The following ADAMTS17 variants were observed in gnomAD, a reference collection of about 807,000 sequenced individuals.
ADAMTS17 encodes the protein ADAM metallopeptidase with thrombospondin type 1 motif 17.
Under a neutral mutation model 141.5 loss-of-function variants are expected in ADAMTS17, and 113 were observed. The observed-to-expected ratio is 0.80, with a 90% CI of 0.69 to 0.93. The LOEUF (loss-of-function observed/expected upper bound fraction) is 0.93. ADAMTS17 is among the 40% of genes least tolerant of loss of function. ADAMTS17 has a pLI of 0.00. For missense variants in ADAMTS17, 1,659 were observed against 1,517.9 expected (o/e 1.09, Z -1.54); for synonymous variants, 768 against 630.6 (o/e 1.22, Z -3.27).
At chr15:100,322,725 A>G (rs2045767420) in intron 3 of ADAMTS17, among the ~76,000 whole-genome samples, 1 of 152,238 alleles carries the variant, frequency 6.6e-6, no homozygotes, top group Non-Finnish European at 1.5e-5. Context: ...AGGAAATTGC[A>G]GCAGAAATAC....
chr15:100,076,196 C>G (rs182877907), intron 15 of ADAMTS17, among the ~76,000 whole-genome samples: 1 of 152,124 alleles, frequency 6.6e-6, no homozygotes, highest in Non-Finnish European at 1.5e-5. Context: ...GCGCCCACCA[C>G]CATGCACAGC....
chr15:100,051,343 G>C (rs528434093), intron 17 of ADAMTS17, among the ~76,000 whole-genome samples: 47 of 152,332 alleles, frequency 3.1e-4, no homozygotes, highest in African/African-American at 1.1e-3. Context: ...GGTCAGAGCT[G>C]TGGGGCCCTG....
At chr15:100,268,673 T>C (rs1336710397) in intron 4 of ADAMTS17, among the ~76,000 whole-genome samples, 3 of 152,236 alleles carry the variant, frequency 2.0e-5, no homozygotes, top group Non-Finnish European at 2.9e-5. Flanking sequence ...TTATAGATTC[T>C]GGATGTTAGA....
At chr15:100,134,606 A>C (rs1301000116) in intron 10 of ADAMTS17, among the ~76,000 whole-genome samples, 1 of 152,222 alleles carries the variant, frequency 6.6e-6, no homozygotes, top group Non-Finnish European at 1.5e-5. Context: ...CTGCTCTTCC[A>C]AGTAATCTCA....
At chr15:100,252,923 T>G (rs74771048) in intron 7 of ADAMTS17, among the ~76,000 whole-genome samples, 2,273 of 152,212 alleles carry the variant, frequency 0.015, 22 homozygotes, top group Middle Eastern at 0.051. Context: ...AAGTGATCAT[T>G]TGATGGATTA....
Position 100,127,026 on chromosome 15 carries a change from A to G in ADAMTS17, c.1721+4981T>C, listed in dbSNP as rs77165172. On this transcript the variant is annotated intron_variant, in intron 12 of 21. Coordinates refer to ENST00000268070, the MANE Select transcript of ADAMTS17 (RefSeq NM_139057.4). ...AGAGATCTCTTGAGAAGACATTTAC[A>G]CTAACACCCAAAGAAAGGAAAAGGG... Among the ~76,000 whole-genome samples the G allele has an allele frequency of 9.8e-3, 1,487 of 152,292 alleles. 33 individuals are homozygous for G. Among genetic ancestry groups the G allele is most frequent in the African/African-American group, 0.034 (1,396 of 41,558 alleles).
intron 4 of ADAMTS17, among the ~76,000 whole-genome samples, chr15:100,277,617 G>A (rs1050985785): frequency 2.6e-5 from 4 of 152,210 alleles, no homozygotes; most frequent in South Asian, 2.1e-4. Context: ...GGCGTGCTCC[G>A]GGCAGACTGC....
chr15:100,202,688 G>C (rs990299565), intron 7 of ADAMTS17, among the ~76,000 whole-genome samples: 1 of 152,226 alleles, frequency 6.6e-6, no homozygotes, highest in African/African-American at 2.4e-5. Context: ...TGGAGACTCA[G>C]AGATACCCCC....
intron 8 of ADAMTS17, among the ~76,000 whole-genome samples, chr15:100,188,556 G>A (rs1165939646): frequency 6.6e-6 from 1 of 152,204 alleles, no homozygotes; most frequent in Non-Finnish European, 1.5e-5. Context: ...AAGTTGACCA[G>A]CATGTTTCCA....
chr15:99,974,727 G>C (rs1449931816), intron 21 of ADAMTS17, among the ~76,000 whole-genome samples, 165 bp from the exon 22 acceptor site: 2 of 152,224 alleles, frequency 1.3e-5, no homozygotes, highest in African/African-American at 4.8e-5. Context: ...GGCACTGGGG[G>C]TGCCACTTTC....
At position 100,108,978 on chromosome 15, in the gene ADAMTS17, A is replaced by C; in HGVS notation, c.2016+11T>G. 6.2e-7 allele frequency: 1 copy of C among 1,613,684 alleles called. No homozygotes were observed. The highest frequency in any genetic ancestry group is 8.5e-7 in the Non-Finnish European group (1 of 1,179,924). ...AAAGCCCCACCAAGGACCGAAGGAG[A>C]AGTACGTCACCTGGCACTTGCCGTG... On this transcript the variant is annotated intron_variant, in intron 14 of 21. Coordinates refer to ENST00000268070, the MANE Select transcript of ADAMTS17 (RefSeq NM_139057.4).
At chr15:100,092,619 T>C (rs2035537455) in intron 15 of ADAMTS17, among the ~76,000 whole-genome samples, 1 of 150,846 alleles carries the variant, frequency 6.6e-6, no homozygotes, top group Admixed American at 6.6e-5. Flanking sequence ...CCCCACGAGA[T>C]TCCACACCCC....
chr15:100,257,369 C>T (rs990629126), intron 6 of ADAMTS17, among the ~76,000 whole-genome samples: 2 of 152,254 alleles, frequency 1.3e-5, no homozygotes, highest in Non-Finnish European at 2.9e-5. Flanking sequence ...GCGGCCTCCC[C>T]CGTCCTTCAA....
chr15:100,286,623 T>C (rs776350822), intron 3 of ADAMTS17, among the ~76,000 whole-genome samples: 2 of 152,050 alleles, frequency 1.3e-5, no homozygotes, highest in Non-Finnish European at 2.9e-5. Context: ...GTTCACCTTA[T>C]ACCACAATCA....
At chr15:100,083,291 G>A (rs2034874814) in intron 15 of ADAMTS17, among the ~76,000 whole-genome samples, 1 of 152,160 alleles carries the variant, frequency 6.6e-6, no homozygotes. Context: ...GACCCACAGT[G>A]TGCAAGCAGC....
chr15:100,084,663 G>C (rs1459139752), intron 15 of ADAMTS17, among the ~76,000 whole-genome samples: 1 of 152,192 alleles, frequency 6.6e-6, no homozygotes, highest in Non-Finnish European at 1.5e-5. Flanking sequence ...GGAACGATCA[G>C]GCAGCAGCAT....
At chr15:100,292,868 G>C (rs2044691389) in intron 3 of ADAMTS17, among the ~76,000 whole-genome samples, 1 of 152,198 alleles carries the variant, frequency 6.6e-6, no homozygotes, top group African/African-American at 2.4e-5. Context: ...CTTCCAGCAG[G>C]ACGAAGGATA....
chr15:100,129,605 T>C (rs996020963), intron 12 of ADAMTS17: 1 of 152,056 alleles, frequency 6.6e-6, no homozygotes, highest in Non-Finnish European at 1.5e-5. Context: ...TAGCCGAGTG[T>C]GGTGGTGCAT....
chr15:100,201,222 G>A (rs946351410), intron 7 of ADAMTS17, among the ~76,000 whole-genome samples: 2 of 152,154 alleles, frequency 1.3e-5, no homozygotes, highest in African/African-American at 2.4e-5. Context: ...GGGAGGGACC[G>A]GGTGGGAAGT....
Sources: allele counts gnomAD v4.1 joint callset (sites outside exome capture counted in the v4.1 genomes callset), GRCh38; gene constraint gnomAD v4.1.1; transcripts MANE v1.5; gene names NCBI Gene and HGNC (gene_info 2026-07-23, HGNC 2026-07-21).